GCSAML: variants seen among roughly 807,000 people sequenced by gnomAD.
The protein encoded by GCSAML is germinal center-associated signaling and motility-like protein.
Under a neutral mutation model 13.0 loss-of-function variants are expected in GCSAML, and 9 were observed. The observed-to-expected ratio is 0.69, with a 90% CI of 0.42 to 1.21. GCSAML has a LOEUF of 1.21. GCSAML is among the 50% of genes most tolerant of loss of function. GCSAML has a pLI of 0.00. For missense variants in GCSAML, 143 were observed against 153.4 expected, an observed-to-expected ratio of 0.93 and a Z score of 0.36; for synonymous variants, 37 against 52.9, an observed-to-expected ratio of 0.70 and a Z score of 1.31.
intron 2 of GCSAML, among the ~76,000 whole-genome samples, chr1:247,540,233 A>C (rs889143277): frequency 1.3e-5 from 2 of 152,166 alleles, no homozygotes; most frequent in East Asian, 3.9e-4. Flanking sequence ...GGGTTTCACC[A>C]TGTTGGCCAG....
intron 2 of GCSAML, among the ~76,000 whole-genome samples, chr1:247,559,124 T>C (rs908451466): frequency 2.6e-5 from 4 of 152,344 alleles, no homozygotes; most frequent in East Asian, 1.9e-4. Context: ...CAACACTCAA[T>C]ACATACTAGC....
rs529453319 is a variant in GCSAML at position 247,576,378 on chromosome 1, C to T, written c.*1996C>T. The T allele has an allele frequency of 9.9e-5, 15 of 152,124 alleles. No homozygotes were observed. In the South Asian group the frequency reaches 3.1e-3, roughly 32 times the overall value. 9.4% of individuals were successfully genotyped at this position (152,124 alleles called of 1,614,324 possible). A position where few individuals can be genotyped will look rare whatever the true frequency, so the allele number is the denominator to read the frequency against. On this transcript the variant is annotated 3_prime_UTR_variant, in exon 5 of 5. Coordinates refer to ENST00000366488, the MANE Select transcript of GCSAML (RefSeq NM_145278.5). ...TGCACAACACAGTGAGACCTCGTTT[C>T]TACAAATAATTAAAAAATTAGCCAG...
At chr1:247,530,870 A>G (rs932508872) in intron 2 of GCSAML, 1 of 152,284 alleles carries the variant, frequency 6.6e-6, no homozygotes, top group Non-Finnish European at 1.5e-5. Flanking sequence ...GGGCGGCGCC[A>G]TGTTTCCTCC....
chr1:247,513,983 C>G (rs1012344760), intron 1 of GCSAML, among the ~76,000 whole-genome samples: 1 of 152,032 alleles, frequency 6.6e-6, no homozygotes, highest in Admixed American at 6.5e-5. Context: ...ACAACCCCCC[C>G]ACCGCCTTTT....
At chr1:247,556,354 A>G (rs1351980589) in intron 1 of GCSAML, 53 bp from the exon 2 acceptor site, 15 of 1,317,694 alleles carry the variant, frequency 1.1e-5, no homozygotes, top group Non-Finnish European at 1.6e-5. Context: ...AGAAGGTGAA[A>G]AAATGTGGAG....
rs1404781438 is a variant in GCSAML, at chr1:247,574,126, C to T, written c.169-17C>T. ...TGACCGTGGATCCTTGATTTCTTTT[C>T]TCTTTGTGCTTGGCAGGAAAACGAG... is the stretch of plus-strand genomic sequence containing the variant. On this transcript the variant is annotated splice_polypyrimidine_tract_variant and intron_variant, in intron 4 of 4. Transcript: ENST00000366488. 6.2e-7 allele frequency: 1 copy of T among 1,613,338 alleles called. No individual in the cohort carries two copies.
chr1:247,549,243 GC>G (rs1667686412), intron 1 of GCSAML, 23 bp downstream of exon 1: 1 of 1,601,766 alleles, frequency 6.2e-7, no homozygotes, highest in Non-Finnish European at 8.6e-7. Context: ...TCTTGGTGCC[GC>G]CTTTCTTGGG....
chr1:247,566,727 G>A (rs1668386537), intron 4 of GCSAML, among the ~76,000 whole-genome samples: 1 of 151,898 alleles, frequency 6.6e-6, no homozygotes, highest in Non-Finnish European at 1.5e-5. Flanking sequence ...ATGGAAAAAA[G>A]TTTATTCCTT....
intron 2 of GCSAML, among the ~76,000 whole-genome samples, chr1:247,540,901 A>C (rs369907460): frequency 6.6e-6 from 1 of 152,188 alleles, no homozygotes; most frequent in South Asian, 2.1e-4. Flanking sequence ...AAAACTCAAG[A>C]GCCTTTGAGA....
chr1:247,573,078 T>C (rs1226229195), intron 4 of GCSAML, among the ~76,000 whole-genome samples: 1 of 152,220 alleles, frequency 6.6e-6, no homozygotes, highest in African/African-American at 2.4e-5. Context: ...AGCAAGAATT[T>C]CAAGCCAGAG....
chr1:247,555,887 G>A (rs1165517893), intron 1 of GCSAML, among the ~76,000 whole-genome samples: 3 of 152,168 alleles, frequency 2.0e-5, no homozygotes, highest in Non-Finnish European at 4.4e-5. Context: ...AACACCAAGA[G>A]TAATATGAAA....
chr1:247,570,954 G>A (rs370753478), intron 4 of GCSAML, among the ~76,000 whole-genome samples: 12 of 152,072 alleles, frequency 7.9e-5, no homozygotes, highest in East Asian at 1.9e-4. Context: ...TCCCTTTACC[G>A]TTATGTAATG....
chr1:247,516,453 T>C (rs1666211774), intron 1 of GCSAML, among the ~76,000 whole-genome samples: 3 of 152,226 alleles, frequency 2.0e-5, no homozygotes, highest in Admixed American at 6.5e-5. Flanking sequence ...GTTCTAGATG[T>C]GTATTCTCAT....
chr1:247,538,001 C>T (rs978909167), intron 2 of GCSAML, among the ~76,000 whole-genome samples: 1 of 151,188 alleles, frequency 6.6e-6, no homozygotes, highest in African/African-American at 2.4e-5. Context: ...TTGATGAAGA[C>T]TAATTTATCT....
intron 4 of GCSAML, among the ~76,000 whole-genome samples, chr1:247,568,185 C>T (rs1668461679): frequency 6.6e-6 from 1 of 152,160 alleles, no homozygotes; most frequent in Admixed American, 6.5e-5. Context: ...TTAATTTGAT[C>T]CCATTTGTCA....
At chr1:247,520,168 G>C (rs6682698) in intron 1 of GCSAML, among the ~76,000 whole-genome samples, 1 of 152,172 alleles carries the variant, frequency 6.6e-6, no homozygotes, top group Non-Finnish European at 1.5e-5. Context: ...CTTAGTTCCT[G>C]TAATGGCTAG....
At chr1:247,532,146 G>A in intron 2 of GCSAML, 1 of 1,614,108 alleles carries the variant, frequency 6.2e-7, no homozygotes, top group Non-Finnish European at 8.5e-7. Flanking sequence ...CAGCGTAGCG[G>A]TCATAGGACA....
At position 247,574,539 on chromosome 1, in the gene GCSAML, G is replaced by A; in HGVS notation, c.*157G>A. The A allele has an allele frequency of 2.8e-6, 2 of 712,554 alleles. No individual in the cohort carries two copies. Among genetic ancestry groups the A allele is most frequent in the Non-Finnish European group, 4.5e-6 (2 of 443,282 alleles). The allele number at this position is 712,554 out of a possible 1,614,324, so 44.1% of individuals were successfully genotyped here. ...ATATATCCTTAGGCAACTCTGATATGTGGCATCTCTGTGGCTTAGGTGAAA... is the reference window on the plus strand; with the variant it reads ...ATATATCCTTAGGCAACTCTGATATATGGCATCTCTGTGGCTTAGGTGAAA... On this transcript the variant is annotated 3_prime_UTR_variant, in exon 5 of 5. Transcript: ENST00000366488.
chr1:247,538,921 T>C (rs962335184), intron 2 of GCSAML: 3 of 330,850 alleles, frequency 9.1e-6, no homozygotes, highest in Admixed American at 4.0e-5. Context: ...AACCCTGTTG[T>C]ACACCTGACC....
Sources: allele counts gnomAD v4.1 joint callset (sites outside exome capture counted in the v4.1 genomes callset), GRCh38; gene constraint gnomAD v4.1.1; transcripts MANE v1.5; gene names NCBI Gene and HGNC (gene_info 2026-07-23, HGNC 2026-07-21).